PCDHGB2: variants seen among roughly 807,000 people sequenced by gnomAD.
The protein encoded by PCDHGB2 is protocadherin gamma subfamily B, 2.
A neutral mutation model predicts 59.3 loss-of-function variants in PCDHGB2; 55 were observed. The ratio of observed to expected loss-of-function variants is 0.93; its 90% CI spans 0.75 to 1.16. The LOEUF (loss-of-function observed/expected upper bound fraction) is 1.16, where lower values mean the gene tolerates loss of function less well. Among genes scored for constraint, PCDHGB2 ranks in the 50% most tolerant of loss-of-function variants. The probability of loss-of-function intolerance (pLI) is 0.00; values close to 1 mark genes in which losing one functional copy is unlikely to be tolerated. For missense variants in PCDHGB2, 1,228 were observed against 1,198.5 expected, an observed-to-expected ratio of 1.02 and a Z score of -0.36; for synonymous variants, 516 against 512.0, an observed-to-expected ratio of 1.01 and a Z score of -0.11.
intron 1 of PCDHGB2, chr5:141,414,518 A>G (rs746198767): frequency 1.9e-6 from 3 of 1,614,000 alleles, no homozygotes; most frequent in Non-Finnish European, 2.5e-6. Flanking sequence ...CAAGTGGCAG[A>G]TATCAATGAC....
chr5:141,486,091 G>T lies in PCDHGB2; in HGVS notation c.2422-8716G>T. ...CTACTGGAAAGCTTACTCTTTTGGG[G>T]CCCCTAGACTTTGAGAGTGAGAATT... On this transcript the variant is annotated intron_variant, in intron 1 of 3. Coordinates refer to ENST00000522605, the MANE Select transcript of PCDHGB2 (RefSeq NM_018923.3). This position sits in a 1 kb window ranked among gnomAD's most constrained non-coding sequence, Gnocchi z 5.0. 1 of 1,614,158 alleles carries T rather than the reference G, an allele frequency of 6.2e-7. No homozygotes were observed. Among genetic ancestry groups the T allele is most frequent in the South Asian group, 1.1e-5 (1 of 91,078 alleles).
intron 1 of PCDHGB2, chr5:141,419,783 C>A: frequency 1.2e-6 from 2 of 1,614,070 alleles, no homozygotes; most frequent in Non-Finnish European, 1.7e-6. Context: ...CCGCCAGCGC[C>A]TGCTAGTCGC....
intron 2 of PCDHGB2, among the ~76,000 whole-genome samples, chr5:141,497,212 G>A (rs968445663): frequency 6.6e-6 from 1 of 150,900 alleles, no homozygotes; most frequent in Non-Finnish European, 1.5e-5. Flanking sequence ...AGTGTAATGG[G>A]GGGGGGAAGA....
In PCDHGB2 at chr5:141,384,503, A is replaced by T. The variant is rs761415530; in HGVS notation, c.2421+21947A>T. On this transcript the variant is annotated intron_variant, in intron 1 of 3. Coordinates refer to ENST00000522605, the MANE Select transcript of PCDHGB2 (RefSeq NM_018923.3). ...GAACTACAACTAAGAGTGACTGCACATGACAGCGGGGACCCGCCTCTCAGC... is the reference window on the plus strand; with the variant it reads ...GAACTACAACTAAGAGTGACTGCACTTGACAGCGGGGACCCGCCTCTCAGC... 155 of 1,614,074 alleles carry T rather than the reference A, an allele frequency of 9.6e-5. No individual in the cohort carries two copies. Among genetic ancestry groups the T allele is most frequent in the Non-Finnish European group, 1.3e-4 (153 of 1,180,026 alleles).
Position 141,493,760 on chromosome 5 carries a change from G to C in PCDHGB2, c.2422-1047G>C, listed in dbSNP as rs1268832909. On this transcript the variant is annotated intron_variant, in intron 1 of 3. Coordinates refer to ENST00000522605, the MANE Select transcript of PCDHGB2 (RefSeq NM_018923.3). The surrounding 1 kb of genome is among the most constrained non-coding windows in gnomAD (Gnocchi z 4.3). ...ACTGCCACCTGTGAGCCTTGAGTGA[G>C]CCACTGGCAGTTCCGGAGCTTCCTT... Among the ~76,000 whole-genome samples, 1 of 152,166 alleles carries C rather than the reference G, an allele frequency of 6.6e-6. No individual in the cohort carries two copies. The highest frequency in any genetic ancestry group is 1.5e-5 in the Non-Finnish European group (1 of 68,022).
At chr5:141,419,327 TC>T (rs774592605) in intron 1 of PCDHGB2, 1 of 1,613,856 alleles carries the variant, frequency 6.2e-7, no homozygotes, top group Non-Finnish European at 8.5e-7. Flanking sequence ...TGTCTCCTAC[TC>T]TCTCATTGCC....
chr5:141,469,618 T>C (rs1284372508), intron 1 of PCDHGB2, among the ~76,000 whole-genome samples: 1 of 152,148 alleles, frequency 6.6e-6, no homozygotes, highest in Non-Finnish European at 1.5e-5. Context: ...ATAAAATAAA[T>C]GTTTGTAGTT....
intron 1 of PCDHGB2, chr5:141,408,518 T>A (rs1330187050): frequency 6.2e-7 from 1 of 1,614,010 alleles, no homozygotes; most frequent in African/African-American, 1.3e-5. Flanking sequence ...TGAGTTGCAA[T>A]TGGAAGCTGT....
chr5:141,431,296 C>T lies in PCDHGB2; in HGVS notation c.2422-63511C>T, dbSNP rs2097358592. On this transcript the variant is annotated intron_variant, in intron 1 of 3. Transcript: ENST00000522605. The surrounding 1 kb of genome is among the most constrained non-coding windows in gnomAD (Gnocchi z 4.8). ...AGCTCAGCCCGAACACTCACTTCTC[C>T]CTCATCGTGCAAAATGGAGCCGACG... The T allele has an allele frequency of 1.9e-6, 3 of 1,614,018 alleles. No individual in the cohort carries two copies. Among genetic ancestry groups the T allele is most frequent in the Non-Finnish European group, 2.5e-6 (3 of 1,180,048 alleles).
chr5:141,469,853 G>A (rs549678022), intron 1 of PCDHGB2, among the ~76,000 whole-genome samples: 5 of 152,270 alleles, frequency 3.3e-5, no homozygotes, highest in South Asian at 2.1e-4. Context: ...GATTCAGACC[G>A]GGTGCAATGG....
intron 1 of PCDHGB2, chr5:141,366,607 C>A: frequency 6.2e-7 from 1 of 1,614,268 alleles, no homozygotes; most frequent in Non-Finnish European, 8.5e-7. Context: ...AGGTCTCCCT[C>A]ACCGCGGACT....
chr5:141,481,924 A>G (rs1189494301), intron 1 of PCDHGB2, among the ~76,000 whole-genome samples: 1 of 151,648 alleles, frequency 6.6e-6, no homozygotes, highest in Non-Finnish European at 1.5e-5. Context: ...AAAAAAAAAA[A>G]AAAAAAAAAA....
At chr5:141,451,703 A>C (rs975120935) in intron 1 of PCDHGB2, among the ~76,000 whole-genome samples, 2 of 152,144 alleles carry the variant, frequency 1.3e-5, no homozygotes, top group Non-Finnish European at 2.9e-5. Context: ...GTAACATGAC[A>C]AAACCCTGCC....
intron 1 of PCDHGB2, among the ~76,000 whole-genome samples, chr5:141,444,703 T>A (rs963617867): frequency 6.6e-6 from 1 of 152,248 alleles, no homozygotes; most frequent in Non-Finnish European, 1.5e-5. Context: ...TTCCTCTTTC[T>A]GTTGAATTTG....
intron 1 of PCDHGB2, chr5:141,393,842 T>A (rs1010461527): frequency 1.2e-6 from 2 of 1,613,830 alleles, no homozygotes; most frequent in African/African-American, 2.7e-5. Flanking sequence ...TAAATGACAA[T>A]AGACCAGAAG....
chr5:141,417,902 C>G (rs2096184021), intron 1 of PCDHGB2: 1 of 1,588,280 alleles, frequency 6.3e-7, no homozygotes, highest in Non-Finnish European at 8.6e-7. Context: ...CGGCCCGCGG[C>G]AGGTACTATT....
intron 1 of PCDHGB2, chr5:141,414,279 A>G (rs1369675815): frequency 1.9e-6 from 3 of 1,613,350 alleles, no homozygotes; most frequent in Admixed American, 3.3e-5. Context: ...CTCTGGGAAC[A>G]GTCGTAGCCC....
intron 1 of PCDHGB2, chr5:141,404,904 AG>A: frequency 3.1e-6 from 5 of 1,613,864 alleles, no homozygotes; most frequent in Non-Finnish European, 4.2e-6. Flanking sequence ...GACCATGGCC[AG>A]CCCCCTCTCT....
chr5:141,362,414 C>G lies in PCDHGB2; in HGVS notation c.2279C>G (p.Ser760Ter). ...TACAACCTGTGTGTTGCCTCACAAT[C>G]AGCCAAGACAGAGTTCAATTTTCTG... The part of the protein sequence containing the change: ...YSYNLCVASQ[S>*]AKTEFNFLNI... The change falls in exon 1 of 4, where the codon TCA becomes TGA. Residue 760 changes from serine to a stop codon, truncating the protein, a stop_gained. Coordinates refer to ENST00000522605, the MANE Select transcript of PCDHGB2 (RefSeq NM_018923.3). LOFTEE classifies it high-confidence loss of function. 1 of 1,614,058 alleles carries G rather than the reference C, an allele frequency of 6.2e-7. No homozygotes were observed. Among genetic ancestry groups the G allele is most frequent in the Non-Finnish European group, 8.5e-7 (1 of 1,179,910 alleles).
Sources: allele counts gnomAD v4.1 joint callset (sites outside exome capture counted in the v4.1 genomes callset), GRCh38; gene constraint gnomAD v4.1.1; non-coding constraint Gnocchi (gnomAD v3.1); transcripts MANE v1.5; gene names NCBI Gene and HGNC (gene_info 2026-07-23, HGNC 2026-07-21).